Variants in KIF3C observed in about 807,000 individuals in gnomAD.
The protein encoded by KIF3C is kinesin family member 3C.
KIF3C carries 12 observed loss-of-function variants against 67.7 expected under a neutral mutation model. The observed-to-expected ratio is 0.18, with a 90% CI of 0.11 to 0.29. The LOEUF is 0.29. KIF3C is among the 10% of genes least tolerant of loss of function. KIF3C has a pLI of 1.00. For synonymous variants in KIF3C, 393 were observed against 426.2 expected (o/e 0.92, Z 0.96); for missense variants, 789 against 1,059.6 (o/e 0.74, Z 3.55).
intron 1 of KIF3C, among the ~76,000 whole-genome samples, chr2:25,957,490 G>A (rs1446212305): frequency 2.0e-5 from 3 of 152,142 alleles, no homozygotes; most frequent in African/African-American, 7.2e-5. Context: ...ATAAGAAGAA[G>A]GTGCTGTCCC....
chr2:25,934,279 G>A (rs555228692), intron 5 of KIF3C: 1 of 425,554 alleles, frequency 2.3e-6, no homozygotes, highest in African/African-American at 2.1e-5. Flanking sequence ...TTGGAGTGAT[G>A]AAAATGTTCT....
intron 1 of KIF3C, among the ~76,000 whole-genome samples, chr2:25,966,394 C>T (rs1035094116): frequency 6.6e-6 from 1 of 152,190 alleles, no homozygotes; most frequent in African/African-American, 2.4e-5. Context: ...GCGTGAGCCA[C>T]CACGCCCCAC....
intron 4 of KIF3C, among the ~76,000 whole-genome samples, chr2:25,952,215 G>A (rs1663635794): frequency 6.6e-6 from 1 of 152,060 alleles, no homozygotes; most frequent in South Asian, 2.1e-4. Flanking sequence ...GCAGGAGAAT[G>A]GCATGAACCT....
chr2:25,946,813 C>T (rs550327298), intron 5 of KIF3C, among the ~76,000 whole-genome samples: 1 of 151,944 alleles, frequency 6.6e-6, no homozygotes, highest in African/African-American at 2.4e-5. Flanking sequence ...GAGATCGCGC[C>T]ACTGCACTCT....
intron 5 of KIF3C, among the ~76,000 whole-genome samples, chr2:25,950,651 C>T (rs957490511): frequency 1.3e-5 from 2 of 152,092 alleles, no homozygotes; most frequent in African/African-American, 4.8e-5. Context: ...AACCTAAGAC[C>T]TGGGACCCTT....
chr2:25,930,141 A>C, intron 5 of KIF3C, 78 bp from the exon 6 acceptor site: 82 of 1,167,522 alleles, frequency 7.0e-5, no homozygotes, highest in Middle Eastern at 1.9e-4. Flanking sequence ...CCTAAATATC[A>C]TTCAGGTAGC....
intron 1 of KIF3C, among the ~76,000 whole-genome samples, chr2:25,972,985 CTATTA>C (rs1664319327): frequency 6.6e-6 from 1 of 152,130 alleles, no homozygotes; most frequent in Non-Finnish European, 1.5e-5. Context: ...AAAACATCCT[CTATTA>C]TATTATTGTT....
Position 25,980,735 on chromosome 2 carries a change from C to G in KIF3C, c.1183G>C (p.Glu395Gln), listed in dbSNP as rs1664550269. The G allele has an allele frequency of 6.2e-7, 1 of 1,614,024 alleles. No homozygotes were observed. Among genetic ancestry groups the G allele is most frequent in the Admixed American group, 1.7e-5 (1 of 59,992 alleles). The part of the protein sequence containing the change: ...EEIARLKAQL[E>Q]KRGMLGKRPR... ...CGCTTCCCCAGCATCCCCCTCTTCT[C>G]CAGCTGGGCCTTCAGGCGGGCAATC... The change falls in exon 1 of 8, where the codon GAG becomes CAG. Residue 395 changes from glutamate (E) to glutamine (Q), a missense_variant. Around this residue, in one of 2 missense-constraint regions of KIF3C, gnomAD observed 648 missense variants for 807.8 expected, o/e 0.80. Coordinates refer to ENST00000264712, the MANE Select transcript of KIF3C (RefSeq NM_002254.8). The surrounding 1 kb of genome is among the most constrained non-coding windows in gnomAD (Gnocchi z 7.6).
chr2:25,970,896 C>A (rs1027221328), intron 1 of KIF3C, among the ~76,000 whole-genome samples: 9 of 129,946 alleles, frequency 6.9e-5, no homozygotes, highest in Non-Finnish European at 9.3e-5. Flanking sequence ...GAGTCCGAGG[C>A]GGGTGGATCA....
At chr2:25,929,094 G>A (rs201865793) in intron 7 of KIF3C, 23 bp from the exon 8 acceptor site, 30 of 1,597,212 alleles carry the variant, frequency 1.9e-5, no homozygotes, top group East Asian at 1.8e-4. Context: ...TGACGCAGGC[G>A]AAAGGGGAGG....
In KIF3C at chr2:25,928,916, G is replaced by T; in HGVS notation, c.*62C>A. 1 of 1,407,646 alleles carries T rather than the reference G, an allele frequency of 7.1e-7. No homozygotes were observed. 87.2% of individuals were successfully genotyped at this position (1,407,646 alleles called of 1,614,324 possible). The stretch of plus-strand genomic sequence containing the variant: ...ACACGCACCAAGCGGCAGATGAGAT[G>T]AGCCAGGGTTGGCTGCCCCATCCCA... On this transcript the variant is annotated 3_prime_UTR_variant, in exon 8 of 8. Transcript: ENST00000264712.
intron 5 of KIF3C, among the ~76,000 whole-genome samples, chr2:25,940,784 C>T (rs1663265083): frequency 1.4e-5 from 2 of 147,950 alleles, no homozygotes. Flanking sequence ...CTCTGGGTAG[C>T]TGGGATTATA....
intron 1 of KIF3C, among the ~76,000 whole-genome samples, chr2:25,962,838 T>C (rs1663997006): frequency 1.6e-5 from 1 of 63,922 alleles, no homozygotes; most frequent in Admixed American, 2.6e-4. Context: ...ATATATAAAA[T>C]ATATAATATA....
chr2:25,955,656 C>T lies in KIF3C; in HGVS notation c.1655G>A (p.Arg552His), dbSNP rs758621077. Residue 552 changes from arginine (R) to histidine (H), a missense_variant, in exon 3 of 8, where the codon CGT becomes CAT. By Grantham distance (29) the Arg-to-His change is conservative. Coordinates refer to ENST00000264712, the MANE Select transcript of KIF3C (RefSeq NM_002254.8). The surrounding 1 kb of genome is among the most constrained non-coding windows in gnomAD (Gnocchi z 5.0). ...KRQEIAEQKR[R>H]EREMQQEMML... The stretch of plus-strand genomic sequence containing the variant: ...CATCTCCTGCTGCATCTCCCGCTCA[C>T]GACGTTTCTAGGCCAAGGACGGGCA... 27 of 1,614,006 alleles carry T rather than the reference C, an allele frequency of 1.7e-5. No individual in the cohort carries two copies. The highest frequency in any genetic ancestry group is 1.1e-4 in the African/African-American group (8 of 74,922).
intron 1 of KIF3C, among the ~76,000 whole-genome samples, chr2:25,963,971 G>T (rs1202416688): frequency 6.6e-6 from 1 of 152,048 alleles, no homozygotes; most frequent in Non-Finnish European, 1.5e-5. Context: ...GATTACAGGC[G>T]TGAGCCACCA....
chr2:25,949,815 C>G (rs928189610), intron 5 of KIF3C, among the ~76,000 whole-genome samples: 20 of 151,104 alleles, frequency 1.3e-4, no homozygotes, highest in African/African-American at 4.6e-4. Flanking sequence ...ACTAAAAATA[C>G]AAAAAATTAG....
In KIF3C at chr2:25,929,468, T is replaced by C. The variant is rs2090439917; in HGVS notation, c.2125A>G (p.Ile709Val). The C allele has an allele frequency of 6.2e-7, 1 of 1,613,880 alleles. No homozygotes were observed. Among genetic ancestry groups the C allele is most frequent in the Admixed American group, 1.7e-5 (1 of 59,982 alleles). ...GACACATCCAACTCCAGAAACATTA[T>C]GTTTTCAGCCTGTGGTGGGAATATC... ...GSHPRYRAEN[I>V]MFLELDVSPP... is the part of the protein sequence containing the mutation. The change falls in exon 7 of 8, where the codon ATA becomes GTA. Residue 709 changes from isoleucine to valine, a missense_variant. By Grantham distance (29) the Ile-to-Val change is conservative. Coordinates refer to ENST00000264712, the MANE Select transcript of KIF3C (RefSeq NM_002254.8).
In KIF3C at chr2:25,981,654, AC is replaced by A; in HGVS notation, c.263del (p.Gly88ValfsTer78). ...VRPLIDSVLQGFNGTVFAYGQ... is the reference protein window; with the variant it reads ...VRPLIDSVLQXFNGTVFAYGQ... Reference sequence around the variant, plus strand: ...CATAGGCAAACACCGTGCCATTGAAACCCTGGAGCACGGAGTCTATCAGGGG... The same window carrying A: ...CATAGGCAAACACCGTGCCATTGAAACCTGGAGCACGGAGTCTATCAGGGG... On this transcript the variant is annotated frameshift_variant, in exon 1 of 8. Coordinates refer to ENST00000264712, the MANE Select transcript of KIF3C (RefSeq NM_002254.8). LOFTEE classifies it high-confidence loss of function. This position sits in a 1 kb window ranked among gnomAD's most constrained non-coding sequence, Gnocchi z 8.2. The A allele has an allele frequency of 6.2e-7, 1 of 1,613,872 alleles. No individual in the cohort carries two copies. Among genetic ancestry groups the A allele is most frequent in the Non-Finnish European group, 8.5e-7 (1 of 1,179,982 alleles).
At chr2:25,935,012 G>C (rs1327263155) in intron 5 of KIF3C, among the ~76,000 whole-genome samples, 1 of 152,072 alleles carries the variant, frequency 6.6e-6, no homozygotes, top group African/African-American at 2.4e-5. Context: ...GGGAGGCCGA[G>C]GTGGGTGGAT....
Sources: gnomAD v4.1 joint callset for allele counts (sites outside exome capture counted in the v4.1 genomes callset) on GRCh38, gnomAD v4.1.1 for gene constraint, gnomAD v4.1.1 regional missense constraint, Gnocchi (gnomAD v3.1) non-coding constraint, MANE v1.5 for transcripts, NCBI Gene and HGNC (gene_info 2026-07-23, HGNC 2026-07-21) for gene names.